The following SLCO2A1 variants were observed in gnomAD, a reference collection of about 807,000 sequenced individuals.
The protein encoded by SLCO2A1 is solute carrier organic anion transporter family member 2A1.
A neutral mutation model predicts 71.7 loss-of-function variants in SLCO2A1; 60 were observed. The observed-to-expected ratio is 0.84, with a 90% CI of 0.68 to 1.04. SLCO2A1 has a LOEUF of 1.04. SLCO2A1 is among the 50% of genes least tolerant of loss of function. SLCO2A1 has a pLI of 0.00. For missense variants in SLCO2A1, 745 were observed against 813.4 expected (o/e 0.92, Z 1.02); for synonymous variants, 308 against 326.7 (o/e 0.94, Z 0.62).
chr3:133,936,026 A>C, intron 12 of SLCO2A1, 129 bp from the exon 13 acceptor site: 2 of 934,800 alleles, frequency 2.1e-6, no homozygotes, highest in Non-Finnish European at 2.9e-6. Flanking sequence ...CATAGGACTC[A>C]CAGTGACTCT....
chr3:133,985,012 C>T (rs1227200468), intron 1 of SLCO2A1, among the ~76,000 whole-genome samples: 1 of 152,194 alleles, frequency 6.6e-6, no homozygotes, highest in Non-Finnish European at 1.5e-5. Context: ...CTGGTGAGTG[C>T]TCCACATCCT....
intron 2 of SLCO2A1, among the ~76,000 whole-genome samples, chr3:133,976,494 C>G (rs1449807261): frequency 6.6e-6 from 1 of 152,120 alleles, no homozygotes; most frequent in Non-Finnish European, 1.5e-5. Flanking sequence ...GAAGCTGAAC[C>G]TCCACAGGTG....
chr3:133,947,232 C>T, intron 9 of SLCO2A1, 24 bp downstream of exon 9: 1 of 1,594,746 alleles, frequency 6.3e-7, no homozygotes, highest in South Asian at 1.1e-5. Flanking sequence ...TAAAGGGGAT[C>T]TCTCTACCCC....
chr3:133,935,422 G>A (rs1183941682), intron 13 of SLCO2A1, among the ~76,000 whole-genome samples: 1 of 152,212 alleles, frequency 6.6e-6, no homozygotes, highest in Non-Finnish European at 1.5e-5. Context: ...GCAGCAGGAG[G>A]CTGCCCCCAA....
At chr3:133,999,198 G>A (rs1935049155) in intron 1 of SLCO2A1, among the ~76,000 whole-genome samples, 1 of 152,194 alleles carries the variant, frequency 6.6e-6, no homozygotes, top group South Asian at 2.1e-4. Context: ...ATACACTCCT[G>A]AAGATCGCAG....
chr3:133,948,222 C>G (rs1933638917), intron 8 of SLCO2A1, among the ~76,000 whole-genome samples: 1 of 152,202 alleles, frequency 6.6e-6, no homozygotes, highest in Non-Finnish European at 1.5e-5. Flanking sequence ...TCAACCTTCC[C>G]TCTTTCCTGT....
chr3:133,954,970 G>C lies in SLCO2A1; in HGVS notation c.621C>G (p.Tyr207Ter). The C allele has an allele frequency of 6.2e-7, 1 of 1,613,716 alleles. No individual in the cohort carries two copies. Among genetic ancestry groups the C allele is most frequent in the Non-Finnish European group, 8.5e-7 (1 of 1,179,712 alleles). ...CTCTTCAAGCCGGTGACTCACAGAT[G>C]TACAGGGGCGAGTTGCTGGGCTCTG... ...DFSEPSNSPL[Y>*]ISILFAISVF... The change falls in exon 4 of 14, where the codon TAC becomes TAG. Residue 207 changes from tyrosine to a stop codon, truncating the protein, a stop_gained. Transcript: ENST00000310926. LOFTEE classifies it high-confidence loss of function.
chr3:134,004,976 G>A (rs1935177751), intron 1 of SLCO2A1, among the ~76,000 whole-genome samples: 1 of 152,234 alleles, frequency 6.6e-6, no homozygotes, highest in Non-Finnish European at 1.5e-5. Flanking sequence ...GCTTTCCAGT[G>A]AAGGAAAACA....
chr3:133,962,065 A>G (rs928624395), intron 3 of SLCO2A1, among the ~76,000 whole-genome samples: 5 of 152,068 alleles, frequency 3.3e-5, no homozygotes, highest in African/African-American at 1.2e-4. Context: ...AGTCTTCTAG[A>G]ATTTATTTTT....
At chr3:133,954,534 T>C (rs1933834749) in intron 4 of SLCO2A1, among the ~76,000 whole-genome samples, 1 of 152,192 alleles carries the variant, frequency 6.6e-6, no homozygotes, top group Admixed American at 6.5e-5. Context: ...CATGGGCTTC[T>C]TTGAGGCCAA....
chr3:134,025,622 T>C (rs1935687062), intron 1 of SLCO2A1, among the ~76,000 whole-genome samples: 1 of 151,986 alleles, frequency 6.6e-6, no homozygotes. Context: ...TGGAAAGAAA[T>C]GTAAATACTG....
chr3:133,958,523 C>G (rs1376492753), intron 3 of SLCO2A1, among the ~76,000 whole-genome samples: 1 of 152,176 alleles, frequency 6.6e-6, no homozygotes, highest in African/African-American at 2.4e-5. Flanking sequence ...ATGCTCTTCT[C>G]AGGACCAAAT....
chr3:134,015,997 C>CA lies in SLCO2A1; in HGVS notation c.96+13709dup, dbSNP rs904221468. ...AAAAAACAAAACAAAACAAAACAAA[C>CA]AAAAAAAACACCTTAACCTAAACCT... is the stretch of plus-strand genomic sequence containing the variant. On this transcript the variant is annotated intron_variant, in intron 1 of 13. Transcript: ENST00000310926. 1.6e-4 allele frequency among the ~76,000 whole-genome samples: 24 copies of CA among 151,446 alleles called. 1 individual carries two copies. The highest frequency in any genetic ancestry group is 3.9e-4 in the African/African-American group (16 of 41,340).
At chr3:133,993,008 G>C (rs1372743455) in intron 1 of SLCO2A1, among the ~76,000 whole-genome samples, 2 of 152,248 alleles carry the variant, frequency 1.3e-5, no homozygotes, top group Non-Finnish European at 2.9e-5. Flanking sequence ...GCCGTCCACA[G>C]ATGGGCTAAA....
At chr3:134,015,050 T>A (rs756529255) in intron 1 of SLCO2A1, among the ~76,000 whole-genome samples, 32 of 152,018 alleles carry the variant, frequency 2.1e-4, no homozygotes, top group Non-Finnish European at 4.6e-4. Context: ...AAAGCCAGAA[T>A]AGAAGAAAAA....
intron 9 of SLCO2A1, among the ~76,000 whole-genome samples, chr3:133,946,789 A>T (rs569783528): frequency 2.0e-5 from 3 of 152,208 alleles, no homozygotes; most frequent in Admixed American, 2.0e-4. Context: ...ACCATTCAAG[A>T]CCTGATTTTC....
At chr3:133,979,456 T>A (rs948075648) in intron 2 of SLCO2A1, 25 bp downstream of exon 2, 1 of 1,613,996 alleles carries the variant, frequency 6.2e-7, no homozygotes, top group African/African-American at 1.3e-5. Flanking sequence ...AAGTGGAGTC[T>A]GATGGACCAG....
intron 9 of SLCO2A1, among the ~76,000 whole-genome samples, chr3:133,945,670 GCTGT>G (rs1355247224): frequency 2.0e-5 from 3 of 152,154 alleles, no homozygotes; most frequent in Non-Finnish European, 4.4e-5. Flanking sequence ...GATTTAGTTT[GCTGT>G]CTGTCTCCTG....
intron 2 of SLCO2A1, among the ~76,000 whole-genome samples, chr3:133,975,501 AG>A (rs943872685): frequency 2.0e-5 from 3 of 152,110 alleles, no homozygotes; most frequent in Non-Finnish European, 4.4e-5. Flanking sequence ...TTCTCCACCC[AG>A]CAGCCAGAAG....
Sources: gnomAD v4.1 joint callset for allele counts (sites outside exome capture counted in the v4.1 genomes callset) on GRCh38, gnomAD v4.1.1 for gene constraint, MANE v1.5 for transcripts, NCBI Gene and HGNC (gene_info 2026-07-23, HGNC 2026-07-21) for gene names.